GATA3: variants seen among roughly 807,000 people sequenced by gnomAD.
GATA3 encodes the protein trans-acting T-cell-specific transcription factor GATA-3.
Under a neutral mutation model 36.0 loss-of-function variants are expected in GATA3, and 6 were observed. That is an observed-to-expected ratio of 0.17 (90% CI 0.09 to 0.33). The LOEUF (loss-of-function observed/expected upper bound fraction) is 0.33. Ranked by LOEUF, GATA3 falls within the 10% of genes least tolerant of loss-of-function variation. The pLI, the probability that GATA3 is intolerant of heterozygous loss-of-function variation, is 1.00. For missense variants in GATA3, 514 were observed against 610.1 expected (o/e 0.84, Z 1.66); for synonymous variants, 326 against 273.0 (o/e 1.19, Z -1.92).
upstream of GATA3, chr10:8,050,805 A>G (rs1332155185): frequency 7.6e-6 from 3 of 394,042 alleles, no homozygotes; most frequent in Admixed American, 9.5e-5. Context: ...AAACACGCTC[A>G]AATGACCGCC....
intron 4 of GATA3, among the ~76,000 whole-genome samples, chr10:8,068,982 T>C (rs531170610): frequency 6.6e-6 from 1 of 152,334 alleles, no homozygotes; most frequent in South Asian, 2.1e-4. Flanking sequence ...TGCGCCTCCT[T>C]TGCTGTGAAT....
In GATA3 at chr10:8,066,675, C is replaced by T. The variant is rs565529137; in HGVS notation, c.924+2537C>T. ...TAATGCAAGAAATAGGAGAGATGACCGAAGGGAAGACTCATAGATTCTTTT... is the reference window on the plus strand; with the variant it reads ...TAATGCAAGAAATAGGAGAGATGACTGAAGGGAAGACTCATAGATTCTTTT... On this transcript the variant is annotated intron_variant, in intron 4 of 5. Transcript: ENST00000379328. 7.8e-4 allele frequency among the ~76,000 whole-genome samples: 119 copies of T among 152,246 alleles called. No individual in the cohort carries two copies. In the South Asian group the frequency reaches 0.012, roughly 15 times the overall value.
chr10:8,047,830 G>C (rs937142557), intron 1 of GATA3, among the ~76,000 whole-genome samples: 1 of 152,216 alleles, frequency 6.6e-6, no homozygotes, highest in Non-Finnish European at 1.5e-5. Context: ...GTAGGGGGCA[G>C]TCCGGGACCA....
At chr10:8,061,335 A>G (rs376397) in intron 3 of GATA3, among the ~76,000 whole-genome samples, 102,245 of 152,050 alleles carry the variant, frequency 0.67, 34,387 homozygotes, top group South Asian at 0.76. Flanking sequence ...CTCCACTGTC[A>G]TCTGATCGAG....
chr10:8,046,691 G>C (rs263424), intron 1 of GATA3, among the ~76,000 whole-genome samples: 99,599 of 144,952 alleles, frequency 0.69, 34,840 homozygotes, highest in East Asian at 0.95. Context: ...GTGTGTGTGT[G>C]TCAGGGGCTT....
intron 4 of GATA3, among the ~76,000 whole-genome samples, chr10:8,064,736 G>A (rs1832807646): frequency 6.6e-6 from 1 of 152,216 alleles, no homozygotes; most frequent in Non-Finnish European, 1.5e-5. Flanking sequence ...CTTGGTCTCA[G>A]CATTTGAGAA....
chr10:8,057,626 T>C (rs1832662884), intron 2 of GATA3, among the ~76,000 whole-genome samples: 1 of 152,146 alleles, frequency 6.6e-6, no homozygotes, highest in South Asian at 2.1e-4. Flanking sequence ...GCCCGAGCAA[T>C]GAAAACGTCC....
rs143582578 is a variant in GATA3 at position 8,058,771 on chromosome 10, C to A, written c.708C>A (p.Pro236=). 27 of 1,610,480 alleles carry A rather than the reference C, an allele frequency of 1.7e-5. No individual in the cohort carries two copies. The highest frequency in any genetic ancestry group is 1.6e-4 in the Middle Eastern group (1 of 6,082). The change falls in exon 3 of 6, where the codon CCC becomes CCA. Residue 236 remains proline (P), a synonymous_variant. Transcript: ENST00000379328. ...AGTACAGCTCCGGACTCTTCCCCCC[C>A]AGCAGCCTGCTGGGCGGCTCCCCCA... ...VPEYSSGLFP[P]SSLLGGSPTG... is the part of the protein sequence containing the mutation.
intron 3 of GATA3, 96 bp from the exon 4 acceptor site, chr10:8,063,896 AG>A (rs1263136427): frequency 1.9e-6 from 3 of 1,556,748 alleles, no homozygotes; most frequent in Admixed American, 3.3e-5. Flanking sequence ...GAAGGAAAAA[AG>A]TTCTCCATTT....
At position 8,074,598 on chromosome 10, in the gene GATA3, A is replaced by C. The variant is rs552915242; in HGVS notation, c.*575A>C. On this transcript the variant is annotated 3_prime_UTR_variant, in exon 6 of 6. Coordinates refer to ENST00000379328, the MANE Select transcript of GATA3 (RefSeq NM_001002295.2). ...TGTTGGCCTCTGCAAAGGAAATACC[A>C]GTTCTGGGCAATCAGTGTTACCGTT... The C allele has an allele frequency of 1.8e-4, 43 of 234,010 alleles. No homozygotes were observed. Among genetic ancestry groups the C allele is most frequent in the Admixed American group, 1.3e-3 (24 of 17,826 alleles). The allele number at this position is 234,010 out of a possible 1,614,324, so 14.5% of individuals were successfully genotyped here.
At chr10:8,058,084 C>G (rs1199386639) in intron 2 of GATA3, among the ~76,000 whole-genome samples, 1 of 152,154 alleles carries the variant, frequency 6.6e-6, no homozygotes. Flanking sequence ...ATGGGACATC[C>G]CTGTGGGAGA....
rs1832965279 is a variant in GATA3 at position 8,073,603 on chromosome 10, G to A, written c.1051-136G>A. ...AGGAGACAGGAGAAGGTGGGAGGGA[G>A]GAAGGGGCCAGCTGAAATGGAAACA... On this transcript the variant is annotated intron_variant, in intron 5 of 5. Coordinates refer to ENST00000379328, the MANE Select transcript of GATA3 (RefSeq NM_001002295.2). 5 of 940,520 alleles carry A rather than the reference G, an allele frequency of 5.3e-6. No individual in the cohort carries two copies. The East Asian group carries it at 1.3e-4, about 25-fold the overall frequency. The allele number at this position is 940,520 out of a possible 1,614,324, so 58.3% of individuals were successfully genotyped here. A position where few individuals can be genotyped will look rare whatever the true frequency, so the allele number is the denominator to read the frequency against.
In GATA3 at chr10:8,074,636, T is replaced by C. The variant is rs1254026690; in HGVS notation, c.*613T>C. 1 of 233,846 alleles carries C rather than the reference T, an allele frequency of 4.3e-6. No homozygotes were observed. The highest frequency in any genetic ancestry group is 6.0e-5 in the East Asian group (1 of 16,582). 14.5% of individuals were successfully genotyped at this position (233,846 alleles called of 1,614,324 possible). A position where few individuals can be genotyped will look rare whatever the true frequency, so the allele number is the denominator to read the frequency against. On this transcript the variant is annotated 3_prime_UTR_variant, in exon 6 of 6. Transcript: ENST00000379328. ...CAGTGTTACCGTTCACCAGTTGCCG[T>C]TGAGGGTTTCAGAGAGCCTTTTTCT...
upstream of GATA3, chr10:8,053,278 A>G (rs555241584): frequency 6.6e-6 from 1 of 152,342 alleles, no homozygotes; most frequent in Non-Finnish European, 1.5e-5. The surrounding 1 kb of genome is among the most constrained non-coding windows in gnomAD (Gnocchi z 5.1). Context: ...CTCCAATTCA[A>G]ATAAAACCCC....
intron 3 of GATA3, among the ~76,000 whole-genome samples, chr10:8,062,192 A>G (rs959026731): frequency 2.0e-5 from 3 of 152,122 alleles, no homozygotes; most frequent in African/African-American, 7.2e-5. Flanking sequence ...AGCCTTTTTC[A>G]AGAACTGAGA....
chr10:8,067,705 C>A (rs1195512693), intron 4 of GATA3, among the ~76,000 whole-genome samples: 1 of 152,110 alleles, frequency 6.6e-6, no homozygotes, highest in Non-Finnish European at 1.5e-5. Flanking sequence ...GTAGTCCCAG[C>A]TACTTGGGAG....
intron 5 of GATA3, among the ~76,000 whole-genome samples, chr10:8,072,484 T>C (rs897726697): frequency 1.3e-5 from 2 of 152,226 alleles, no homozygotes; most frequent in African/African-American, 4.8e-5. Context: ...TTAATCTGCT[T>C]CTGCCTCCCT....
intron 3 of GATA3, among the ~76,000 whole-genome samples, chr10:8,063,625 T>G (rs1832784982): frequency 6.6e-6 from 1 of 152,214 alleles, no homozygotes; most frequent in South Asian, 2.1e-4. Context: ...ATGTTTGCCT[T>G]TTGCCACCAT....
chr10:8,049,680 T>A (rs1202745931), upstream of GATA3, among the ~76,000 whole-genome samples: 1 of 152,094 alleles, frequency 6.6e-6, no homozygotes, highest in Non-Finnish European at 1.5e-5. Flanking sequence ...TATAGTCCTA[T>A]CCAGTAGAAA....
Sources: gnomAD v4.1 joint callset for allele counts (sites outside exome capture counted in the v4.1 genomes callset) on GRCh38, gnomAD v4.1.1 for gene constraint, Gnocchi (gnomAD v3.1) non-coding constraint, MANE v1.5 for transcripts, NCBI Gene and HGNC (gene_info 2026-07-23, HGNC 2026-07-21) for gene names.